The following DHX30 variants were observed in gnomAD, a reference collection of about 807,000 sequenced individuals.
DHX30 encodes the protein DExH-box helicase 30.
A neutral mutation model predicts 116.9 loss-of-function variants in DHX30; 4 were observed. That is an observed-to-expected ratio of 0.03 (90% CI 0.02 to 0.08). The LOEUF (loss-of-function observed/expected upper bound fraction) is 0.08, where lower values mean the gene tolerates loss of function less well. Ranked by LOEUF, DHX30 falls within the 10% of genes least tolerant of loss-of-function variation. DHX30 has a pLI of 1.00. For missense variants in DHX30, 871 were observed against 1,595.1 expected, an observed-to-expected ratio of 0.55 and a Z score of 7.73; for synonymous variants, 697 against 651.7, an observed-to-expected ratio of 1.07 and a Z score of -1.06.
At chr3:47,828,463 CAAAAA>C (rs541910100) in intron 5 of DHX30, among the ~76,000 whole-genome samples, 1 of 52,174 alleles carries the variant, frequency 1.9e-5, no homozygotes, top group African/African-American at 6.8e-5. Context: ...CTGTCCCCCA[CAAAAA>C]AAAAAAAAAA....
Position 47,846,776 on chromosome 3 carries a change from A to G in DHX30, c.1704A>G (p.Thr568=). 6.2e-7 allele frequency: 1 copy of G among 1,613,904 alleles called. No homozygotes were observed. The highest frequency in any genetic ancestry group is 8.5e-7 in the Non-Finnish European group (1 of 1,179,994). ...VDEVHERDVN[T]DFLLILLKGL... ...AGGTGCATGAGCGGGACGTGAACAC[A>G]GACTTTCTGCTGATCCTGCTCAAGG... Residue 568 remains threonine (T), a synonymous_variant, in exon 11 of 22, where the codon ACA becomes ACG. Transcript: ENST00000445061.
At chr3:47,813,746 C>T (rs1376661921) in intron 3 of DHX30, among the ~76,000 whole-genome samples, 1 of 152,092 alleles carries the variant, frequency 6.6e-6, no homozygotes, top group Non-Finnish European at 1.5e-5. Flanking sequence ...CCAAGTGGTG[C>T]CCTGTGTAAC....
intron 6 of DHX30, among the ~76,000 whole-genome samples, chr3:47,838,465 C>G (rs764679104): frequency 1.3e-5 from 2 of 152,176 alleles, no homozygotes; most frequent in Non-Finnish European, 2.9e-5. Context: ...TCTGACCCAC[C>G]TTAGTTCACC....
chr3:47,838,270 C>T (rs2037214524), intron 6 of DHX30, among the ~76,000 whole-genome samples: 1 of 152,170 alleles, frequency 6.6e-6, no homozygotes, highest in South Asian at 2.1e-4. Context: ...AATAGACAGA[C>T]TTTAGAATTG....
At chr3:47,843,762 G>A (rs1002494332) in intron 9 of DHX30, among the ~76,000 whole-genome samples, 1 of 152,112 alleles carries the variant, frequency 6.6e-6, no homozygotes, top group Non-Finnish European at 1.5e-5. Context: ...ATAGTGGCAC[G>A]ATCATGGCTC....
At chr3:47,818,533 G>C (rs1041255956) in intron 4 of DHX30, among the ~76,000 whole-genome samples, 2 of 152,170 alleles carry the variant, frequency 1.3e-5, no homozygotes, top group Non-Finnish European at 2.9e-5. Context: ...CATCTTGGAG[G>C]CTTTGGGAAT....
At chr3:47,807,074 C>G (rs2035562187) in intron 2 of DHX30, among the ~76,000 whole-genome samples, 2 of 151,912 alleles carry the variant, frequency 1.3e-5, no homozygotes, top group African/African-American at 4.8e-5. Flanking sequence ...GGCGTGGTGG[C>G]GGGTGCCTGT....
At chr3:47,809,435 G>A (rs1204656871) in intron 2 of DHX30, among the ~76,000 whole-genome samples, 1 of 151,396 alleles carries the variant, frequency 6.6e-6, no homozygotes, top group African/African-American at 2.4e-5. Flanking sequence ...TAGTAGAGAC[G>A]GGGTTTCACC....
chr3:47,821,996 T>G (rs1177228017), intron 4 of DHX30: 1 of 152,226 alleles, frequency 6.6e-6, no homozygotes, highest in Non-Finnish European at 1.5e-5. Flanking sequence ...TCTGTTGCAG[T>G]TATTTGACTC....
At position 47,849,095 on chromosome 3, in the gene DHX30, A is replaced by C. The variant is rs747722839; in HGVS notation, c.2929+16A>C. 3 of 1,610,386 alleles carry C rather than the reference A, an allele frequency of 1.9e-6. No homozygotes were observed. Among genetic ancestry groups the C allele is most frequent in the Non-Finnish European group, 2.5e-6 (3 of 1,177,714 alleles). ...TTCATCCACGGTCAGTCGGGCCCAC[A>C]CCTGCTCTCCTGAGCCCCTCCCACC... On this transcript the variant is annotated intron_variant, in intron 18 of 21. Coordinates refer to ENST00000445061, the MANE Select transcript of DHX30 (RefSeq NM_138615.3).
intron 3 of DHX30, chr3:47,816,827 C>A: frequency 1.0e-6 from 1 of 985,038 alleles, no homozygotes; most frequent in Non-Finnish European, 1.2e-6. Context: ...TGAAAAATTT[C>A]AAAAATACTG....
intron 21 of DHX30, 25 bp from the exon 22 acceptor site, chr3:47,849,842 C>T (rs1160069177): frequency 6.8e-6 from 11 of 1,610,730 alleles, no homozygotes; most frequent in Admixed American, 6.7e-5. Context: ...ACCACAGTTC[C>T]CCACCATCTT....
intron 3 of DHX30, chr3:47,817,001 A>C: frequency 1.0e-6 from 1 of 974,402 alleles, no homozygotes; most frequent in Non-Finnish European, 1.2e-6. Flanking sequence ...CTTTGCTTTC[A>C]GAATTTTTTG....
At chr3:47,842,370 CATAAAACCTTGAGTTCGTGTCTGGCGT>C (rs1326345563) in intron 8 of DHX30, 1 of 152,714 alleles carries the variant, frequency 6.5e-6, no homozygotes, top group East Asian at 1.9e-4. Context: ...GAGATAACAA[CATAAAACCTTGAGTTCGTGTCTGGCGT>C]AGACCCTATA....
intron 10 of DHX30, 88 bp downstream of exon 10, chr3:47,845,940 G>A (rs1008252488): frequency 6.6e-7 from 1 of 1,517,738 alleles, no homozygotes; most frequent in South Asian, 1.3e-5. Context: ...GCGACAGGCA[G>A]TAGTACCTCC....
At chr3:47,821,768 T>A (rs1405986318) in intron 4 of DHX30, among the ~76,000 whole-genome samples, 5 of 151,964 alleles carry the variant, frequency 3.3e-5, no homozygotes, top group African/African-American at 9.7e-5. Context: ...AGAGCTAATT[T>A]CTGTATTTTT....
At chr3:47,813,182 C>G (rs900973994) in intron 3 of DHX30, among the ~76,000 whole-genome samples, 1 of 151,636 alleles carries the variant, frequency 6.6e-6, no homozygotes, top group Non-Finnish European at 1.5e-5. Context: ...ACTAAAAATA[C>G]AAAATAAAAA....
At chr3:47,815,959 CCAG>C in intron 3 of DHX30, 2 of 971,714 alleles carry the variant, frequency 2.1e-6, no homozygotes, top group Non-Finnish European at 2.4e-6. Flanking sequence ...TTTTTTCAAT[CCAG>C]CATCCCTGGA....
chr3:47,813,933 G>GA (rs2035919229), intron 3 of DHX30, among the ~76,000 whole-genome samples: 1 of 144,392 alleles, frequency 6.9e-6, no homozygotes, highest in Admixed American at 7.0e-5. Flanking sequence ...ATGTAAGAAG[G>GA]AAAAAACTGA....
Sources: allele counts gnomAD v4.1 joint callset (sites outside exome capture counted in the v4.1 genomes callset), GRCh38; gene constraint gnomAD v4.1.1; transcripts MANE v1.5; gene names NCBI Gene and HGNC (gene_info 2026-07-23, HGNC 2026-07-21).